Variants in DCPS observed in about 807,000 individuals in gnomAD.
The protein encoded by DCPS is m7GpppX diphosphatase.
DCPS carries 27 observed loss-of-function variants against 34.7 expected under a neutral mutation model. The observed-to-expected ratio is 0.78, with a 90% CI of 0.57 to 1.07. DCPS has a LOEUF of 1.07. Ranked by LOEUF, DCPS falls within the 50% of genes least tolerant of loss-of-function variation. DCPS has a pLI of 0.00. For missense variants in DCPS, 464 were observed against 436.9 expected (o/e 1.06, Z -0.55); for synonymous variants, 185 against 185.7 (o/e 1.00, Z 0.03).
At chr11:126,305,006 G>A (rs1591379142) in intron 1 of DCPS, among the ~76,000 whole-genome samples, 1 of 152,232 alleles carries the variant, frequency 6.6e-6, no homozygotes, top group Non-Finnish European at 1.5e-5. Context: ...AGATAAGGGG[G>A]TTCCCTAGAA....
At position 126,345,559 on chromosome 11, in the gene DCPS, C is replaced by T. The variant is rs1234837804; in HGVS notation, c.960C>T (p.Ala320=). 6 of 1,613,922 alleles carry T rather than the reference C, an allele frequency of 3.7e-6. No individual in the cohort carries two copies. Among genetic ancestry groups the T allele is most frequent in the South Asian group, 1.1e-5 (1 of 91,086 alleles). Residue 320 remains alanine, a synonymous_variant, in exon 6 of 6, where the codon GCC becomes GCT. Coordinates refer to ENST00000263579, the MANE Select transcript of DCPS (RefSeq NM_014026.6). The surrounding 1 kb of genome is among the most constrained non-coding windows in gnomAD (Gnocchi z 7.4). The part of the protein sequence containing the change: ...RHYQQRTLTF[A]LRADDPLLKL... ...ACCAGCAGCGCACGCTCACCTTCGC[C>T]CTCAGGGCTGACGACCCCCTGCTCA...
Position 126,345,792 on chromosome 11 carries a change from G to C in DCPS, c.*179G>C, listed in dbSNP as rs1951921161. 3 of 901,378 alleles carry C rather than the reference G, an allele frequency of 3.3e-6. No individual in the cohort carries two copies. In the East Asian group the frequency reaches 8.0e-5, roughly 24 times the overall value. 55.8% of individuals were successfully genotyped at this position (901,378 alleles called of 1,614,324 possible). On this transcript the variant is annotated 3_prime_UTR_variant, in exon 6 of 6. Transcript: ENST00000263579. The surrounding 1 kb of genome is among the most constrained non-coding windows in gnomAD (Gnocchi z 7.4). ...GGCCTGGGAGGCAGACAGATGGTGG[G>C]GGACAGTGGGTGGGTAGAACCTGTG...
rs1399535170 is a variant in DCPS, at chr11:126,327,330, G to T, written c.377-4075G>T. 1.3e-5 allele frequency among the ~76,000 whole-genome samples: 2 copies of T among 152,202 alleles called. No homozygotes were observed. The highest frequency in any genetic ancestry group is 4.8e-5 in the African/African-American group (2 of 41,438). On this transcript the variant is annotated intron_variant, in intron 2 of 5. Coordinates refer to ENST00000263579, the MANE Select transcript of DCPS (RefSeq NM_014026.6). This position sits in a 1 kb window ranked among gnomAD's most constrained non-coding sequence, Gnocchi z 4.1. ...GATATTTCCTCATGACTGGACTCAG[G>T]TTATGCGTTTTTGGCCAGAATTCCA...
In DCPS at chr11:126,331,422, G is replaced by A. The variant is rs763542347; in HGVS notation, c.394G>A (p.Val132Ile). The A allele has an allele frequency of 9.3e-6, 15 of 1,614,132 alleles. No homozygotes were observed. The highest frequency in any genetic ancestry group is 1.3e-5 in the Non-Finnish European group (15 of 1,180,014). ...CATTGCAGATGTAAAGACGACCGTG[G>A]TTTACCCTGCCACAGAGAAACACCT... ...RQLNDVKTTV[V>I]YPATEKHLQK... Residue 132 changes from valine (V) to isoleucine (I), a missense_variant, in exon 3 of 6, where the codon GTT becomes ATT. Physicochemically the swap from Val to Ile is conservative, Grantham distance 29 (BLOSUM62 3). Transcript: ENST00000263579. The surrounding 1 kb of genome is among the most constrained non-coding windows in gnomAD (Gnocchi z 7.2).
At position 126,336,064 on chromosome 11, in the gene DCPS, C is replaced by T. The variant is rs756304888; in HGVS notation, c.523-2222C>T. On this transcript the variant is annotated intron_variant, in intron 3 of 5. Transcript: ENST00000263579. The surrounding 1 kb of genome is among the most constrained non-coding windows in gnomAD (Gnocchi z 6.3). ...CTGGGAGGCGGAGGTTGCAGTGAGC[C>T]GAAATCACGCCACTGCACTCTAGTC... is the stretch of plus-strand genomic sequence containing the variant. 2.7e-5 allele frequency among the ~76,000 whole-genome samples: 4 copies of T among 147,000 alleles called. No individual in the cohort carries two copies. The highest frequency in any genetic ancestry group is 4.1e-4 in the East Asian group (2 of 4,938).
chr11:126,343,908 G>C (rs747071348), intron 5 of DCPS, among the ~76,000 whole-genome samples: 1 of 152,114 alleles, frequency 6.6e-6, no homozygotes, highest in East Asian at 1.9e-4. Flanking sequence ...TGAAATTATC[G>C]GGGCTCTAAA....
chr11:126,312,376 T>C lies in DCPS; in HGVS notation c.376+5632T>C, dbSNP rs1951623865. On this transcript the variant is annotated intron_variant, in intron 2 of 5. Transcript: ENST00000263579. The surrounding 1 kb of genome is among the most constrained non-coding windows in gnomAD (Gnocchi z 5.1). ...ATTTTTGGGGCAGAATCTCTCTCTG[T>C]CACCCAGGCTGGAGTGCAGTGGTGC... Among the ~76,000 whole-genome samples, 1 of 152,024 alleles carries C rather than the reference T, an allele frequency of 6.6e-6. No homozygotes were observed. The highest frequency in any genetic ancestry group is 1.5e-5 in the Non-Finnish European group (1 of 68,006).
chr11:126,329,007 G>A lies in DCPS; in HGVS notation c.377-2398G>A, dbSNP rs1217348819. On this transcript the variant is annotated intron_variant, in intron 2 of 5. Transcript: ENST00000263579. This position sits in a 1 kb window ranked among gnomAD's most constrained non-coding sequence, Gnocchi z 5.0. ...AGTGCAGAGCCAGGACTTGCACCCAGGCTGACTGGCTCCAAAATCTCTGTT... is the reference window on the plus strand; with the variant it reads ...AGTGCAGAGCCAGGACTTGCACCCAAGCTGACTGGCTCCAAAATCTCTGTT... Among the ~76,000 whole-genome samples, 1 of 152,142 alleles carries A rather than the reference G, an allele frequency of 6.6e-6. No individual in the cohort carries two copies. Among genetic ancestry groups the A allele is most frequent in the Non-Finnish European group, 1.5e-5 (1 of 68,018 alleles).
In DCPS at chr11:126,317,646, C is replaced by A. The variant is rs991649819; in HGVS notation, c.376+10902C>A. The stretch of plus-strand genomic sequence containing the variant: ...GTGACATTCATTGAGACTTGGTACC[C>A]GTGCCCCTTTCAGAGTGAATTAAAG... On this transcript the variant is annotated intron_variant, in intron 2 of 5. Coordinates refer to ENST00000263579, the MANE Select transcript of DCPS (RefSeq NM_014026.6). Among the ~76,000 whole-genome samples, 10 of 152,128 alleles carry A rather than the reference C, an allele frequency of 6.6e-5. 1 individual carries two copies. The highest frequency in any genetic ancestry group is 6.5e-4 in the Admixed American group (10 of 15,282).
rs905706718 is a variant in DCPS, at chr11:126,338,716, G to A, written c.636+317G>A. Among the ~76,000 whole-genome samples the A allele has an allele frequency of 5.9e-5, 9 of 152,154 alleles. No homozygotes were observed. The highest frequency in any genetic ancestry group is 1.2e-4 in the African/African-American group (5 of 41,430). ...TGGGCAGCCACCTGTGCTTCCACCC[G>A]CATCTGGAGCCCTCGGGTGGGGTGT... On this transcript the variant is annotated intron_variant, in intron 4 of 5. Transcript: ENST00000263579. The surrounding 1 kb of genome is among the most constrained non-coding windows in gnomAD (Gnocchi z 5.4).
rs1237815864 is a variant in DCPS at position 126,337,124 on chromosome 11, A to C, written c.523-1162A>C. ...CCTGTCCAGCACTTCTGGGAGTGGAAGGAGGACCATGGATGGCTGCCTGGT... is the reference window on the plus strand; with the variant it reads ...CCTGTCCAGCACTTCTGGGAGTGGACGGAGGACCATGGATGGCTGCCTGGT... On this transcript the variant is annotated intron_variant, in intron 3 of 5. Coordinates refer to ENST00000263579, the MANE Select transcript of DCPS (RefSeq NM_014026.6). This position sits in a 1 kb window ranked among gnomAD's most constrained non-coding sequence, Gnocchi z 5.3. 6 of 152,264 alleles carry C rather than the reference A, an allele frequency of 3.9e-5. No individual in the cohort carries two copies. In the East Asian group the frequency reaches 1.2e-3, roughly 29 times the overall value. 9.4% of individuals were successfully genotyped at this position (152,264 alleles called of 1,614,324 possible). A position where few individuals can be genotyped will look rare whatever the true frequency, so the allele number is the denominator to read the frequency against.
At chr11:126,326,922 C>CA (rs561227131) in intron 2 of DCPS, among the ~76,000 whole-genome samples, 30,164 of 120,394 alleles carry the variant, frequency 0.25, 3,160 homozygotes, top group Non-Finnish European at 0.28. Context: ...GACTCTGTCT[C>CA]AAAAAAAAAA....
At chr11:126,307,559 C>T (rs1204835021) in intron 2 of DCPS, among the ~76,000 whole-genome samples, 2 of 151,886 alleles carry the variant, frequency 1.3e-5, no homozygotes, top group Non-Finnish European at 2.9e-5. Context: ...TACAGGCGCC[C>T]ACCACCACGC....
rs1951718238 is a variant in DCPS at position 126,322,890 on chromosome 11, C to T, written c.377-8515C>T. 6.6e-6 allele frequency among the ~76,000 whole-genome samples: 1 copy of T among 152,286 alleles called. No individual in the cohort carries two copies. On this transcript the variant is annotated intron_variant, in intron 2 of 5. Coordinates refer to ENST00000263579, the MANE Select transcript of DCPS (RefSeq NM_014026.6). This position sits in a 1 kb window ranked among gnomAD's most constrained non-coding sequence, Gnocchi z 4.2. ...GTTGCCAGGTTGGAGTCCAGTGGTA[C>T]AGTCATAGCTCATGGCAGCCTCAAA...
Position 126,312,605 on chromosome 11 carries a change from T to C in DCPS, c.376+5861T>C, listed in dbSNP as rs1353685127. 6.6e-6 allele frequency among the ~76,000 whole-genome samples: 1 copy of C among 152,108 alleles called. No homozygotes were observed. Among genetic ancestry groups the C allele is most frequent in the Admixed American group, 6.6e-5 (1 of 15,258 alleles). Reference sequence around the variant, plus strand: ...ATCCGCCCGCTTTGGCTGCTCAGAGTGCTGGGATTACAGGAGTGAGCCACC... The same window carrying C: ...ATCCGCCCGCTTTGGCTGCTCAGAGCGCTGGGATTACAGGAGTGAGCCACC... On this transcript the variant is annotated intron_variant, in intron 2 of 5. Transcript: ENST00000263579. This position sits in a 1 kb window ranked among gnomAD's most constrained non-coding sequence, Gnocchi z 5.1.
At chr11:126,314,877 A>G (rs1240207276) in intron 2 of DCPS, among the ~76,000 whole-genome samples, 2 of 152,148 alleles carry the variant, frequency 1.3e-5, no homozygotes, top group Non-Finnish European at 2.9e-5. Flanking sequence ...CATTAGGTAC[A>G]ATGTACACTG....
chr11:126,325,155 C>T lies in DCPS; in HGVS notation c.377-6250C>T, dbSNP rs1326811347. ...TGAGCCAAGATCGTGCCATTGCACT[C>T]CAGCCTGGGAGACACAGTGAGACTC... is the stretch of plus-strand genomic sequence containing the variant. On this transcript the variant is annotated intron_variant, in intron 2 of 5. Coordinates refer to ENST00000263579, the MANE Select transcript of DCPS (RefSeq NM_014026.6). The surrounding 1 kb of genome is among the most constrained non-coding windows in gnomAD (Gnocchi z 4.3). Among the ~76,000 whole-genome samples the T allele has an allele frequency of 1.3e-5, 2 of 151,952 alleles. No individual in the cohort carries two copies. Among genetic ancestry groups the T allele is most frequent in the Non-Finnish European group, 2.9e-5 (2 of 68,012 alleles).
In DCPS at chr11:126,320,660, A is replaced by G. The variant is rs151077422; in HGVS notation, c.377-10745A>G. On this transcript the variant is annotated intron_variant, in intron 2 of 5. Coordinates refer to ENST00000263579, the MANE Select transcript of DCPS (RefSeq NM_014026.6). The surrounding 1 kb of genome is among the most constrained non-coding windows in gnomAD (Gnocchi z 4.7). ...TCTACAAAAAATACAAAAATTAGCC[A>G]GGTGTAGTGGTGTGTGCCTATAGTT... Among the ~76,000 whole-genome samples the G allele has an allele frequency of 1.1e-4, 17 of 152,200 alleles. 6 individuals carry two copies. The highest frequency in any genetic ancestry group is 4.1e-4 in the African/African-American group (17 of 41,544).
At chr11:126,314,860 G>C (rs141642683) in intron 2 of DCPS, among the ~76,000 whole-genome samples, 1 of 152,170 alleles carries the variant, frequency 6.6e-6, no homozygotes, top group South Asian at 2.1e-4. Flanking sequence ...AGGGATAAAA[G>C]GTTATACATT....
Sources: allele counts gnomAD v4.1 joint callset (sites outside exome capture counted in the v4.1 genomes callset), GRCh38; gene constraint gnomAD v4.1.1; non-coding constraint Gnocchi (gnomAD v3.1); transcripts MANE v1.5; gene names NCBI Gene and HGNC (gene_info 2026-07-23, HGNC 2026-07-21).